Variants in NAV3 observed in about 807,000 individuals in gnomAD.
NAV3 encodes the protein neuron navigator 3.
NAV3 carries 87 observed loss-of-function variants against 244.7 expected under a neutral mutation model. The ratio of observed to expected loss-of-function variants is 0.36; its 90% confidence interval spans 0.30 to 0.42. The LOEUF (loss-of-function observed/expected upper bound fraction) is 0.42. Ranked by LOEUF, NAV3 falls within the 20% of genes least tolerant of loss-of-function variation. The probability of loss-of-function intolerance (pLI) is 1.00; values close to 1 mark genes in which losing one functional copy is unlikely to be tolerated. For synonymous variants in NAV3, 1,126 were observed against 1,042.2 expected (o/e 1.08, Z -1.55); for missense variants, 2,663 against 2,893.3 (o/e 0.92, Z 1.83).
chr12:78,125,174 A>G (rs1338628405), intron 16 of NAV3, among the ~76,000 whole-genome samples: 1 of 152,190 alleles, frequency 6.6e-6, no homozygotes, highest in African/African-American at 2.4e-5. Context: ...AATGCTAAGA[A>G]AACCAAAGAA....
At chr12:77,692,703 T>C (rs1013566784) in intron 2 of NAV3, among the ~76,000 whole-genome samples, 4 of 152,142 alleles carry the variant, frequency 2.6e-5, no homozygotes, top group African/African-American at 9.7e-5. Context: ...CAGTCATTTA[T>C]TTTTTGTTCT....
intron 2 of NAV3, among the ~76,000 whole-genome samples, chr12:77,599,369 G>A (rs180782185): frequency 9.9e-5 from 15 of 151,972 alleles, no homozygotes; most frequent in Non-Finnish European, 1.6e-4. Flanking sequence ...ATTGGGTGTT[G>A]CGCATTGTCC....
intron 1 of NAV3, among the ~76,000 whole-genome samples, chr12:77,860,306 C>CAT (rs779934825): frequency 1.4e-4 from 21 of 149,982 alleles, no homozygotes; most frequent in African/African-American, 3.2e-4. Context: ...ATAATATATA[C>CAT]ATATATATAC....
chr12:77,630,225 C>T (rs1871826282), intron 2 of NAV3, among the ~76,000 whole-genome samples: 1 of 152,108 alleles, frequency 6.6e-6, no homozygotes, highest in African/African-American at 2.4e-5. Context: ...TTTCAAATTC[C>T]TCTCGTTGGT....
At chr12:77,853,198 T>G (rs1877819837) in intron 1 of NAV3, among the ~76,000 whole-genome samples, 1 of 152,204 alleles carries the variant, frequency 6.6e-6, no homozygotes, top group Non-Finnish European at 1.5e-5. Flanking sequence ...TGTGATTTTG[T>G]TGTAGTTTTA....
chr12:78,057,408 T>C (rs1883672187), intron 11 of NAV3, among the ~76,000 whole-genome samples: 2 of 152,102 alleles, frequency 1.3e-5, no homozygotes, highest in South Asian at 4.1e-4. Context: ...TTAGTAAACT[T>C]TGTGATGACT....
At chr12:77,679,881 C>T (rs2137110425) in intron 2 of NAV3, among the ~76,000 whole-genome samples, 1 of 152,260 alleles carries the variant, frequency 6.6e-6, no homozygotes, top group African/African-American at 2.4e-5. Flanking sequence ...TGACTTTAGA[C>T]AGAGTATTGT....
intron 2 of NAV3, among the ~76,000 whole-genome samples, chr12:77,698,064 T>G (rs898193792): frequency 1.3e-5 from 2 of 152,068 alleles, no homozygotes; most frequent in Non-Finnish European, 2.9e-5. Context: ...CAAAATAAAC[T>G]GTCATCAGAT....
intron 2 of NAV3, among the ~76,000 whole-genome samples, chr12:77,777,066 C>T (rs1870397651): frequency 6.6e-6 from 1 of 152,120 alleles, no homozygotes; most frequent in South Asian, 2.1e-4. Context: ...AAAATGCTTG[C>T]TTATAAACTA....
At chr12:77,901,313 A>T (rs1885260477) in intron 1 of NAV3, among the ~76,000 whole-genome samples, 1 of 152,192 alleles carries the variant, frequency 6.6e-6, no homozygotes, top group East Asian at 1.9e-4. Flanking sequence ...CAATATCAAA[A>T]ACTGTATTTC....
chr12:77,687,715 T>G (rs887962451), intron 2 of NAV3, among the ~76,000 whole-genome samples: 2 of 152,162 alleles, frequency 1.3e-5, no homozygotes, highest in South Asian at 2.1e-4. Context: ...AGTTCACAAG[T>G]AATATAAACT....
At chr12:78,128,569 C>A in intron 17 of NAV3, 137 bp from the exon 18 acceptor site, 1 of 824,654 alleles carries the variant, frequency 1.2e-6, no homozygotes, top group Non-Finnish European at 1.8e-6. Context: ...TCTGGAAGAA[C>A]TGAGCAATTA....
intron 3 of NAV3, among the ~76,000 whole-genome samples, chr12:77,958,430 A>G (rs953739919): frequency 2.0e-5 from 3 of 152,210 alleles, no homozygotes; most frequent in Non-Finnish European, 4.4e-5. Context: ...GTAGTGTTAC[A>G]GGATGCTAAT....
At position 77,804,528 on chromosome 12, in the gene NAV3, A is replaced by G. The variant is rs111335584; in HGVS notation, c.73-135791A>G. 6.6e-3 allele frequency among the ~76,000 whole-genome samples: 1,005 copies of G among 152,228 alleles called. 15 individuals are homozygous for G. Among genetic ancestry groups the G allele is most frequent in the Middle Eastern group, 0.024 (7 of 294 alleles). ...GACCTCTGTTCTGTTCCATTGCTCT[A>G]TATATCCGTTTTGGTACCAGTACCA... is the stretch of plus-strand genomic sequence containing the variant. On this transcript the variant is annotated intron_variant, in intron 2 of 8. Coordinates refer to the NAV3 transcript ENST00000550042.
chr12:78,190,273 G>C, intron 34 of NAV3, 54 bp downstream of exon 34: 3 of 1,431,344 alleles, frequency 2.1e-6, no homozygotes, highest in Non-Finnish European at 2.9e-6. Flanking sequence ...AGTGTTTTAA[G>C]CAATCAAATT....
chr12:77,932,523 G>C (rs149495186), intron 1 of NAV3, among the ~76,000 whole-genome samples: 2 of 152,196 alleles, frequency 1.3e-5, no homozygotes, highest in African/African-American at 4.8e-5. Context: ...GATAGAATTT[G>C]AGTTAAGATT....
intron 3 of NAV3, chr12:77,947,557 A>AACT (rs1387753379): frequency 7.2e-5 from 11 of 151,998 alleles, no homozygotes; most frequent in Admixed American, 2.6e-4. Flanking sequence ...GAGGAGTGGA[A>AACT]TATTGCTAAG....
At chr12:78,075,471 T>G (rs1952999193) in intron 12 of NAV3, among the ~76,000 whole-genome samples, 1 of 152,166 alleles carries the variant, frequency 6.6e-6, no homozygotes, top group African/African-American at 2.4e-5. Flanking sequence ...TACTATGAAT[T>G]TGGATGTGGC....
At position 77,697,825 on chromosome 12, in the gene NAV3, G is replaced by A. The variant is rs1470014475; in HGVS notation, c.72+125559G>A. On this transcript the variant is annotated intron_variant, in intron 2 of 8. Coordinates refer to the NAV3 transcript ENST00000550042. ...GTGCCAAGAGCTTGAGAAAATAGAT[G>A]TGTGAACGATTAGCTTGGAATCCAG... is the stretch of plus-strand genomic sequence containing the variant. Among the ~76,000 whole-genome samples, 5 of 152,162 alleles carry A rather than the reference G, an allele frequency of 3.3e-5. No homozygotes were observed. The East Asian group carries it at 7.7e-4, about 23-fold the overall frequency.
Sources: gnomAD v4.1 joint callset for allele counts (sites outside exome capture counted in the v4.1 genomes callset) on GRCh38, gnomAD v4.1.1 for gene constraint, MANE v1.5 for transcripts, NCBI Gene and HGNC (gene_info 2026-07-23, HGNC 2026-07-21) for gene names.